TRIQK: variants seen among roughly 807,000 people sequenced by gnomAD.
TRIQK encodes the protein triple QxxK/R motif-containing protein.
TRIQK carries 10 observed loss-of-function variants against 10.8 expected under a neutral mutation model. That is an observed-to-expected ratio of 0.92 (90% CI 0.57 to 1.57). TRIQK has a LOEUF of 1.57. Among genes scored for constraint, TRIQK ranks in the 40% most tolerant of loss-of-function variants. TRIQK has a pLI of 0.00. For missense variants in TRIQK, 107 were observed against 97.7 expected (o/e 1.09, Z -0.40); for synonymous variants, 33 against 33.7 (o/e 0.98, Z 0.07).
chr8:92,924,851 G>C (rs1354436048), intron 2 of TRIQK, among the ~76,000 whole-genome samples: 3 of 151,930 alleles, frequency 2.0e-5, no homozygotes. Context: ...AATTCGTACT[G>C]TATAAAACTG....
intron 1 of TRIQK, among the ~76,000 whole-genome samples, chr8:92,994,898 G>C (rs1043525942): frequency 1.3e-5 from 2 of 149,984 alleles, no homozygotes; most frequent in African/African-American, 5.0e-5. Flanking sequence ...GAGTACTGTT[G>C]ATTTTCCATT....
chr8:92,894,894 T>C (rs984119238), intron 3 of TRIQK, among the ~76,000 whole-genome samples: 1 of 152,134 alleles, frequency 6.6e-6, no homozygotes, highest in Non-Finnish European at 1.5e-5. Flanking sequence ...TATTCAATAG[T>C]ATATGGTCAC....
chr8:92,890,316 A>G (rs1429562338), intron 4 of TRIQK, among the ~76,000 whole-genome samples: 1 of 151,782 alleles, frequency 6.6e-6, no homozygotes, highest in Non-Finnish European at 1.5e-5. Context: ...ATTTAAGGTT[A>G]AAGTTTTTGT....
intron 4 of TRIQK, among the ~76,000 whole-genome samples, chr8:92,889,019 C>T (rs1442882427): frequency 6.6e-6 from 1 of 151,392 alleles, no homozygotes. Flanking sequence ...ATTTTTTAGG[C>T]GGCACTCATT....
intron 1 of TRIQK, among the ~76,000 whole-genome samples, chr8:92,954,769 T>C (rs1466139342): frequency 6.6e-6 from 1 of 151,888 alleles, no homozygotes; most frequent in African/African-American, 2.4e-5. Flanking sequence ...ACAAGGCACA[T>C]TTTTATATTA....
At chr8:92,980,172 G>A (rs563361369) in intron 1 of TRIQK, among the ~76,000 whole-genome samples, 2 of 151,946 alleles carry the variant, frequency 1.3e-5, no homozygotes, top group African/African-American at 2.4e-5. Context: ...TTTATTTCCA[G>A]TAAATGTTTG....
intron 1 of TRIQK, among the ~76,000 whole-genome samples, chr8:93,003,146 A>G (rs1813231230): frequency 1.3e-5 from 2 of 152,244 alleles, no homozygotes; most frequent in East Asian, 3.9e-4. Flanking sequence ...GGGTGTATCC[A>G]TCTGTTCTCA....
chr8:92,958,900 C>T (rs199867136), intron 1 of TRIQK, among the ~76,000 whole-genome samples: 33 of 152,098 alleles, frequency 2.2e-4, no homozygotes, highest in East Asian at 1.5e-3. Context: ...TGCACCTCTG[C>T]GGCAATTACA....
At chr8:93,011,558 A>G (rs1586531607) in intron 1 of TRIQK, among the ~76,000 whole-genome samples, 1 of 152,178 alleles carries the variant, frequency 6.6e-6, no homozygotes, top group Non-Finnish European at 1.5e-5. Context: ...CAACACCACC[A>G]TTTTCAGGTT....
At chr8:92,913,580 A>T (rs1453973306) in intron 3 of TRIQK, among the ~76,000 whole-genome samples, 2 of 152,152 alleles carry the variant, frequency 1.3e-5, no homozygotes, top group Non-Finnish European at 2.9e-5. Context: ...AAGGATCTAG[A>T]ACCAAAAATA....
chr8:92,987,737 T>A (rs1022116828), intron 1 of TRIQK, among the ~76,000 whole-genome samples: 4 of 152,142 alleles, frequency 2.6e-5, no homozygotes, highest in Admixed American at 6.5e-5. Context: ...ACCTTCACGA[T>A]ACATTCATAT....
chr8:93,003,543 C>T (rs948170297), intron 1 of TRIQK, among the ~76,000 whole-genome samples: 5 of 151,194 alleles, frequency 3.3e-5, no homozygotes, highest in African/African-American at 4.8e-5. Flanking sequence ...ATTCCTCCCC[C>T]GGTCCCTCCC....
rs1056729221 is a variant in TRIQK, at chr8:92,883,609, C to G, written c.*3013G>C. The G allele has an allele frequency of 1.3e-5, 2 of 151,642 alleles. No individual in the cohort carries two copies. Among genetic ancestry groups the G allele is most frequent in the African/African-American group, 4.8e-5 (2 of 41,360 alleles). The allele number at this position is 151,642 out of a possible 1,614,324, so 9.4% of individuals were successfully genotyped here. ...ATTTACACAAAGAAACTGTGACAGA[C>G]TCTGAGAGGACTAAAAGGCATCAAC... On this transcript the variant is annotated 3_prime_UTR_variant, in exon 5 of 5. Coordinates refer to ENST00000521988, the MANE Select transcript of TRIQK (RefSeq NM_001171797.2).
chr8:93,015,734 G>A (rs2130765941), intron 1 of TRIQK, among the ~76,000 whole-genome samples: 1 of 152,050 alleles, frequency 6.6e-6, no homozygotes, highest in Non-Finnish European at 1.5e-5. Flanking sequence ...AGGGGCAAAT[G>A]TTTTATTAAA....
At chr8:92,927,533 T>G (rs571026824) in intron 2 of TRIQK, among the ~76,000 whole-genome samples, 1 of 152,260 alleles carries the variant, frequency 6.6e-6, no homozygotes, top group South Asian at 2.1e-4. Context: ...AGGTCACTAG[T>G]CAGTGTGAGT....
At chr8:92,923,344 G>C (rs1810282253) in intron 2 of TRIQK, among the ~76,000 whole-genome samples, 1 of 151,426 alleles carries the variant, frequency 6.6e-6, no homozygotes, top group Non-Finnish European at 1.5e-5. Flanking sequence ...AATGTGTTGT[G>C]ATAGATGCGG....
intron 3 of TRIQK, among the ~76,000 whole-genome samples, chr8:92,895,171 T>C (rs1328213367): frequency 1.3e-5 from 2 of 152,250 alleles, no homozygotes; most frequent in African/African-American, 4.8e-5. Context: ...TTGGCCCTTC[T>C]GCCTTCCACC....
chr8:92,895,483 G>A (rs1195226644), intron 3 of TRIQK, among the ~76,000 whole-genome samples: 2 of 152,258 alleles, frequency 1.3e-5, no homozygotes, highest in East Asian at 3.9e-4. Flanking sequence ...AGCATTAAAG[G>A]TGATTCTGGG....
intron 1 of TRIQK, among the ~76,000 whole-genome samples, chr8:92,956,287 C>A (rs879661924): frequency 6.6e-6 from 1 of 151,646 alleles, no homozygotes; most frequent in Non-Finnish European, 1.5e-5. Context: ...CACAAAAGTC[C>A]ACTTAATACA....
Sources: allele counts gnomAD v4.1 joint callset (sites outside exome capture counted in the v4.1 genomes callset), GRCh38; gene constraint gnomAD v4.1.1; transcripts MANE v1.5; gene names NCBI Gene and HGNC (gene_info 2026-07-23, HGNC 2026-07-21).